The following UGT2B4 variants were observed in gnomAD, a reference collection of about 807,000 sequenced individuals.
UGT2B4 encodes the protein UDP-glucuronosyltransferase 2B4.
A neutral mutation model predicts 49.8 loss-of-function variants in UGT2B4; 49 were observed. The ratio of observed to expected loss-of-function variants is 0.98; its 90% confidence interval spans 0.78 to 1.25. The LOEUF is 1.25. UGT2B4 is among the 50% of genes most tolerant of loss of function. The probability of loss-of-function intolerance (pLI) is 0.00; values close to 1 mark genes in which losing one functional copy is unlikely to be tolerated. For missense variants in UGT2B4, 729 were observed against 627.7 expected (o/e 1.16, Z -1.73); for synonymous variants, 246 against 217.7 (o/e 1.13, Z -1.14).
At chr4:69,515,975 T>C (rs1728721894) in intron 1 of UGT2B4, among the ~76,000 whole-genome samples, 2 of 152,162 alleles carry the variant, frequency 1.3e-5, no homozygotes, top group Non-Finnish European at 2.9e-5. Context: ...TCATTAGCTA[T>C]TTTTTCTGAT....
chr4:69,506,555 A>G (rs1418817909), intron 1 of UGT2B4, among the ~76,000 whole-genome samples: 3 of 152,168 alleles, frequency 2.0e-5, no homozygotes, highest in African/African-American at 7.2e-5. Flanking sequence ...ACCAATAACA[A>G]GTTCTAAAAT....
chr4:69,500,670 G>GAAAGAAAGAAAGAAAGA (rs1560438465), upstream of UGT2B4, among the ~76,000 whole-genome samples: 340 of 62,732 alleles, frequency 5.4e-3, 2 homozygotes, highest in Non-Finnish European at 9.2e-3. Flanking sequence ...AGAAAGAAAG[G>GAAAGAAAGAAAGAAAGA]AAGGAAAGAA....
Position 69,495,411 on chromosome 4 carries a change from C to T in UGT2B4, c.451G>A (p.Asp151Asn), listed in dbSNP as rs1178005115. ...AGCTCACCAAAGGGGAAAACAGCAT[C>T]TGCAAGAACAACATCAAATCTTGAC... The part of the protein sequence containing the change: ...QESRFDVVLA[D>N]AVFPFGELLA... The change falls in exon 1 of 6, where the codon GAT (aspartate) becomes AAT (asparagine). Residue 151 changes from aspartate (D) to asparagine (N), a missense_variant. Coordinates refer to ENST00000305107, the MANE Select transcript of UGT2B4 (RefSeq NM_021139.3). The T allele has an allele frequency of 1.9e-6, 3 of 1,613,960 alleles. No homozygotes were observed. Among genetic ancestry groups the T allele is most frequent in the South Asian group, 1.1e-5 (1 of 91,080 alleles).
chr4:69,519,459 T>C (rs1382829609), intron 1 of UGT2B4, among the ~76,000 whole-genome samples: 1 of 152,184 alleles, frequency 6.6e-6, no homozygotes, highest in Non-Finnish European at 1.5e-5. Context: ...CGTTTTAAGA[T>C]AGGGAATGAG....
At chr4:69,484,793 A>G (rs989517396) in intron 5 of UGT2B4, among the ~76,000 whole-genome samples, 6 of 152,200 alleles carry the variant, frequency 3.9e-5, no homozygotes, top group Admixed American at 1.3e-4. Context: ...AAATTTAATT[A>G]TCAAGTCTGT....
intron 1 of UGT2B4, among the ~76,000 whole-genome samples, chr4:69,500,998 T>C (rs954717763): frequency 8.2e-4 from 125 of 152,174 alleles, no homozygotes; most frequent in African/African-American, 2.9e-3. Context: ...GTTAGGAATG[T>C]GACCATATTC....
upstream of UGT2B4, among the ~76,000 whole-genome samples, chr4:69,500,649 G>GA (rs1448920154): frequency 7.4e-6 from 1 of 134,696 alleles, no homozygotes; most frequent in Admixed American, 7.8e-5. Flanking sequence ...AAGAAAGAAA[G>GA]AAAGAAAGAA....
intron 1 of UGT2B4, among the ~76,000 whole-genome samples, chr4:69,519,926 T>C (rs755083307): frequency 6.6e-6 from 1 of 152,118 alleles, no homozygotes; most frequent in Non-Finnish European, 1.5e-5. Flanking sequence ...AAAAGAAAGA[T>C]GAGGAACTAT....
intron 3 of UGT2B4, among the ~76,000 whole-genome samples, chr4:69,487,665 T>C (rs1041441809): frequency 1.3e-5 from 2 of 152,094 alleles, no homozygotes; most frequent in Non-Finnish European, 2.9e-5. Context: ...ACCTGTAAGA[T>C]GAAACAGTCC....
At chr4:69,494,031 C>T (rs1346397413) in intron 1 of UGT2B4, among the ~76,000 whole-genome samples, 190 bp from the exon 2 acceptor site, 2 of 151,942 alleles carry the variant, frequency 1.3e-5, no homozygotes, top group African/African-American at 4.8e-5. Flanking sequence ...TGTGTATTTA[C>T]AAGAAAGGCA....
chr4:69,489,248 C>T (rs1045901427), intron 3 of UGT2B4, among the ~76,000 whole-genome samples, 191 bp downstream of exon 3: 20 of 151,920 alleles, frequency 1.3e-4, no homozygotes, highest in African/African-American at 4.6e-4. Flanking sequence ...AATTAATTAC[C>T]AATGAAAAAC....
At chr4:69,486,271 A>T (rs866523763) in intron 4 of UGT2B4, among the ~76,000 whole-genome samples, 3 of 152,300 alleles carry the variant, frequency 2.0e-5, no homozygotes, top group Middle Eastern at 3.4e-3. Flanking sequence ...ACTTTTAGTG[A>T]CATTTGAAAT....
In UGT2B4 at chr4:69,493,734, C is replaced by A. The variant is rs41300004; in HGVS notation, c.829G>T (p.Val277Phe). The change falls in exon 2 of 6, where the codon GTT becomes TTT. Residue 277 changes from valine (V) to phenylalanine (F), a missense_variant. Physicochemically the swap from Val to Phe is conservative, Grantham distance 50. Transcript: ENST00000305107. ...PHPLLPNVEF[V>F]GGLHCKPAKP... Reference sequence around the variant, plus strand: ...GCAGGTTTGCAGTGGAGTCCTCCAACGAACTCAACATTTGGTAAGAGTGGG... The same window carrying A: ...GCAGGTTTGCAGTGGAGTCCTCCAAAGAACTCAACATTTGGTAAGAGTGGG... 40 of 1,610,976 alleles carry A rather than the reference C, an allele frequency of 2.5e-5. No individual in the cohort carries two copies. In the East Asian group the frequency reaches 7.6e-4, roughly 31 times the overall value.
chr4:69,517,604 A>C (rs2029781), intron 1 of UGT2B4: 89,330 of 151,980 alleles, frequency 0.59, 26,981 homozygotes, highest in East Asian at 0.75. Context: ...CATATATGTG[A>C]TGTTCTATAT....
At position 69,502,119 on chromosome 4, in the gene UGT2B4, T is replaced by G. The variant is rs920499755; in HGVS notation, c.-105-6153A>C. 2.3e-5 allele frequency among the ~76,000 whole-genome samples: 3 copies of G among 128,244 alleles called. 1 individual carries two copies. The highest frequency in any genetic ancestry group is 5.0e-5 in the Non-Finnish European group (3 of 60,418). 84.1% of individuals were successfully genotyped at this position (128,244 alleles called of 152,430 possible). ...TTTCTTTCTTTCTTTCTTTCTTTCTTTCTTTCTTTCTTTCTTTCTTTCTTT... is the reference window on the plus strand; with the variant it reads ...TTTCTTTCTTTCTTTCTTTCTTTCTGTCTTTCTTTCTTTCTTTCTTTCTTT... On this transcript the variant is annotated intron_variant, in intron 1 of 1. Transcript: ENST00000510114.
intron 4 of UGT2B4, 161 bp downstream of exon 4, chr4:69,486,448 T>G (rs1366003316): frequency 1.6e-5 from 7 of 435,250 alleles, no homozygotes; most frequent in Non-Finnish European, 2.4e-5. Context: ...ATGCCAACAA[T>G]TTATTCTTTT....
At chr4:69,519,202 G>C (rs754924741) in intron 1 of UGT2B4, among the ~76,000 whole-genome samples, 1 of 152,022 alleles carries the variant, frequency 6.6e-6, no homozygotes, top group African/African-American at 2.4e-5. Context: ...TTTAAAGGAC[G>C]GTCATAAGCT....
intron 1 of UGT2B4, among the ~76,000 whole-genome samples, chr4:69,501,510 C>A (rs969017695): frequency 2.0e-5 from 3 of 152,076 alleles, no homozygotes; most frequent in Non-Finnish European, 4.4e-5. Flanking sequence ...TTGAACAGTC[C>A]AAGATGACTG....
intron 3 of UGT2B4, among the ~76,000 whole-genome samples, chr4:69,487,699 G>A (rs1486722173): frequency 1.3e-5 from 2 of 151,910 alleles, no homozygotes; most frequent in East Asian, 1.9e-4. Flanking sequence ...CAAGACATAA[G>A]TTTACCTGTG....
Sources: allele counts gnomAD v4.1 joint callset (sites outside exome capture counted in the v4.1 genomes callset), GRCh38; gene constraint gnomAD v4.1.1; transcripts MANE v1.5; gene names NCBI Gene and HGNC (gene_info 2026-07-23, HGNC 2026-07-21).